GMDS: variants seen among roughly 807,000 people sequenced by gnomAD.
GMDS encodes GDP-mannose 4,6-dehydratase.
A neutral mutation model predicts 49.9 loss-of-function variants in GMDS; 20 were observed. That is an observed-to-expected ratio of 0.40 (90% CI 0.28 to 0.58). The LOEUF is 0.58. Ranked by LOEUF, GMDS falls within the 20% of genes least tolerant of loss-of-function variation. The pLI is 0.42. For missense variants in GMDS, 362 were observed against 481.4 expected (o/e 0.75, Z 2.32); for synonymous variants, 177 against 178.6 (o/e 0.99, Z 0.07).
intron 1 of GMDS, among the ~76,000 whole-genome samples, chr6:2,199,158 T>C (rs1779399495): frequency 6.6e-6 from 1 of 152,254 alleles, no homozygotes; most frequent in Admixed American, 6.5e-5. Context: ...TATAAATATT[T>C]AGACTAATTT....
chr6:1,932,394 C>T (rs1762327932), intron 6 of GMDS, among the ~76,000 whole-genome samples: 1 of 152,152 alleles, frequency 6.6e-6, no homozygotes, highest in Non-Finnish European at 1.5e-5. Flanking sequence ...TATTCTAAAA[C>T]AGCATTCAAA....
chr6:1,702,087 A>G (rs1436952167), intron 9 of GMDS, among the ~76,000 whole-genome samples: 2 of 152,226 alleles, frequency 1.3e-5, no homozygotes, highest in Non-Finnish European at 2.9e-5. Flanking sequence ...CTTTAAGACA[A>G]GGAAAGTTTG....
intron 4 of GMDS, among the ~76,000 whole-genome samples, chr6:2,010,659 A>T (rs1463567251): frequency 1.3e-5 from 2 of 152,188 alleles, no homozygotes; most frequent in Non-Finnish European, 2.9e-5. Context: ...CTAAACAAAA[A>T]CTATACCAAA....
At chr6:1,645,185 C>T (rs1169407778) in intron 9 of GMDS, among the ~76,000 whole-genome samples, 17 of 152,178 alleles carry the variant, frequency 1.1e-4, no homozygotes, top group Admixed American at 2.6e-4. Context: ...TCACCCACCT[C>T]GGCCTCCCAA....
At chr6:2,024,035 G>A (rs1768431787) in intron 4 of GMDS, among the ~76,000 whole-genome samples, 1 of 151,954 alleles carries the variant, frequency 6.6e-6, no homozygotes, top group Non-Finnish European at 1.5e-5. Flanking sequence ...CAATCAGGGA[G>A]AATTGCTTTT....
rs112322998 is a variant in GMDS at position 1,753,410 on chromosome 6, C to T, written c.772-10824G>A. Among the ~76,000 whole-genome samples, 291 of 152,272 alleles carry T rather than the reference C, an allele frequency of 1.9e-3. 1 individual carries two copies. Among genetic ancestry groups the T allele is most frequent in the African/African-American group, 6.6e-3 (273 of 41,560 alleles). On this transcript the variant is annotated intron_variant, in intron 7 of 10. Coordinates refer to ENST00000380815, the MANE Select transcript of GMDS (RefSeq NM_001500.4). The stretch of plus-strand genomic sequence containing the variant: ...CATAAAGCAAGTTCTTAGAGACTTA[C>T]AAAGAGACTTAGACTCCCACACAAT...
rs944706509 is a variant in GMDS at position 1,905,058 on chromosome 6, C to A, written c.771+25045G>T. Reference sequence around the variant, plus strand: ...CAAGTAAGAACAGCACAAGCTCTGGCATCCATGACATGAGATCCAAACTCC... The same window carrying A: ...CAAGTAAGAACAGCACAAGCTCTGGAATCCATGACATGAGATCCAAACTCC... On this transcript the variant is annotated intron_variant, in intron 7 of 10. Transcript: ENST00000380815. 7.2e-5 allele frequency among the ~76,000 whole-genome samples: 11 copies of A among 152,344 alleles called. No homozygotes were observed. In the East Asian group the frequency reaches 1.7e-3, roughly 24 times the overall value.
At chr6:1,987,663 T>A (rs4512269) in intron 4 of GMDS, among the ~76,000 whole-genome samples, 117,960 of 152,122 alleles carry the variant, frequency 0.78, 46,572 homozygotes, top group Middle Eastern at 0.88. Flanking sequence ...GGAAAAAAGC[T>A]GGAAAGGGAG....
intron 7 of GMDS, among the ~76,000 whole-genome samples, chr6:1,749,709 G>A (rs1285050236): frequency 6.6e-6 from 1 of 152,150 alleles, no homozygotes; most frequent in East Asian, 1.9e-4. Context: ...CTCTCTAATA[G>A]GTAATACTAT....
At chr6:1,680,884 C>G (rs558786898) in intron 9 of GMDS, among the ~76,000 whole-genome samples, 1 of 152,296 alleles carries the variant, frequency 6.6e-6, no homozygotes, top group South Asian at 2.1e-4. Context: ...CTTTTCATGA[C>G]AGGTTACCCT....
At chr6:2,124,393 G>T (rs559900057) in intron 2 of GMDS, among the ~76,000 whole-genome samples, 3 of 152,176 alleles carry the variant, frequency 2.0e-5, no homozygotes, top group African/African-American at 7.2e-5. Context: ...AAATTAACCC[G>T]AATCATGTTA....
At chr6:1,703,115 G>GGGTTCCTT in intron 9 of GMDS, among the ~76,000 whole-genome samples, 1 of 152,260 alleles carries the variant, frequency 6.6e-6, no homozygotes, top group East Asian at 1.9e-4. Context: ...CACATGCAGT[G>GGGTTCCTT]GGTTCCTTGG....
chr6:1,743,244 C>T (rs984751237), intron 7 of GMDS, among the ~76,000 whole-genome samples: 3 of 152,174 alleles, frequency 2.0e-5, no homozygotes, highest in Non-Finnish European at 4.4e-5. Context: ...AGGCCAGGGG[C>T]TCAACTTCCA....
At chr6:1,818,301 T>C (rs903755013) in intron 7 of GMDS, among the ~76,000 whole-genome samples, 5 of 151,998 alleles carry the variant, frequency 3.3e-5, no homozygotes, top group Admixed American at 6.6e-5. Context: ...AAGTTAAGTT[T>C]TTCTAAATAA....
At chr6:1,713,238 TC>T (rs766655291) in intron 9 of GMDS, among the ~76,000 whole-genome samples, 5 of 152,178 alleles carry the variant, frequency 3.3e-5, no homozygotes, top group Non-Finnish European at 5.9e-5. Context: ...TTAAAACCAT[TC>T]CCTTGGCCAC....
intron 4 of GMDS, among the ~76,000 whole-genome samples, chr6:1,979,637 G>T (rs894976100): frequency 1.3e-5 from 2 of 152,208 alleles, no homozygotes; most frequent in African/African-American, 4.8e-5. Context: ...TTATCATCTA[G>T]GAGAACTTCC....
intron 7 of GMDS, among the ~76,000 whole-genome samples, chr6:1,916,823 C>T (rs2113893273): frequency 6.6e-6 from 1 of 152,096 alleles, no homozygotes; most frequent in Non-Finnish European, 1.5e-5. Context: ...GCTTCTACTG[C>T]CACTGACAAA....
intron 4 of GMDS, among the ~76,000 whole-genome samples, chr6:2,021,055 C>T (rs1472807133): frequency 6.6e-6 from 1 of 152,226 alleles, no homozygotes; most frequent in East Asian, 1.9e-4. Flanking sequence ...GCTGCTTCTC[C>T]TGCATTTGGC....
intron 7 of GMDS, among the ~76,000 whole-genome samples, chr6:1,852,781 G>C (rs182160545): frequency 6.6e-6 from 1 of 151,258 alleles, no homozygotes; most frequent in Non-Finnish European, 1.5e-5. Flanking sequence ...ATCTCGGCGC[G>C]ATGCAACCTC....
Sources: gnomAD v4.1 joint callset for allele counts (sites outside exome capture counted in the v4.1 genomes callset) on GRCh38, gnomAD v4.1.1 for gene constraint, MANE v1.5 for transcripts, NCBI Gene and HGNC (gene_info 2026-07-23, HGNC 2026-07-21) for gene names.